PDE1A: variants seen among roughly 807,000 people sequenced by gnomAD.
The protein encoded by PDE1A is phosphodiesterase 1A.
A neutral mutation model predicts 61.7 loss-of-function variants in PDE1A; 35 were observed. The observed-to-expected ratio is 0.57, with a 90% CI of 0.43 to 0.75. The LOEUF is 0.75. PDE1A is among the 30% of genes least tolerant of loss of function. The pLI, the probability that PDE1A is intolerant of heterozygous loss-of-function variation, is 0.00. For synonymous variants in PDE1A, 232 were observed against 213.2 expected (o/e 1.09, Z -0.77); for missense variants, 597 against 630.6 (o/e 0.95, Z 0.57).
At chr2:182,704,226 C>CA in the PDE1A span, among the ~76,000 whole-genome samples, 1,248 of 95,710 alleles carry the variant, frequency 0.013, 6 homozygotes, top group African/African-American at 0.021. Flanking sequence ...AAAAAAAAAA[C>CA]AAAAAAAAAA....
chr2:182,169,953 CTTTCTCTT>C (rs1430254190), intron 13 of PDE1A, among the ~76,000 whole-genome samples: 97 of 75,626 alleles, frequency 1.3e-3, no homozygotes, highest in Admixed American at 3.9e-3. Flanking sequence ...CCCTCTCTCT[CTTTCTCTT>C]TCATACACAC....
chr2:182,454,957 G>C (rs982956430), intron 2 of PDE1A, among the ~76,000 whole-genome samples: 16 of 151,192 alleles, frequency 1.1e-4, no homozygotes, highest in Non-Finnish European at 1.9e-4. Flanking sequence ...ACTACCATCA[G>C]AGTAAACAGG....
At chr2:182,361,552 A>T (rs182724180) in intron 1 of PDE1A, among the ~76,000 whole-genome samples, 29 of 152,176 alleles carry the variant, frequency 1.9e-4, no homozygotes, top group African/African-American at 5.3e-4. Context: ...ATGAATGGCC[A>T]GGTTTCCTTT....
At chr2:182,368,334 GC>G (rs142359845) in intron 1 of PDE1A, among the ~76,000 whole-genome samples, 57 of 77,078 alleles carry the variant, frequency 7.4e-4, no homozygotes, top group African/African-American at 2.5e-3. Flanking sequence ...GAACACCCCA[GC>G]CCCCCCCACC....
chr2:182,304,822 A>G (rs1695473664), intron 1 of PDE1A, among the ~76,000 whole-genome samples: 1 of 152,182 alleles, frequency 6.6e-6, no homozygotes, highest in South Asian at 2.1e-4. Context: ...TGATCACCAT[A>G]ACACACATGA....
intron 1 of PDE1A, among the ~76,000 whole-genome samples, chr2:182,277,113 A>G (rs1330847086): frequency 6.6e-6 from 1 of 152,014 alleles, no homozygotes; most frequent in Non-Finnish European, 1.5e-5. Context: ...CTGTTTCCTC[A>G]GAAGCATGTG....
At chr2:182,187,832 C>A (rs1559156284) in intron 11 of PDE1A, among the ~76,000 whole-genome samples, 1 of 148,168 alleles carries the variant, frequency 6.7e-6, no homozygotes, top group Non-Finnish European at 1.5e-5. Context: ...GCAACCTCTG[C>A]CTCCTGGGTT....
the PDE1A span, among the ~76,000 whole-genome samples, chr2:182,617,890 C>T: frequency 6.6e-6 from 1 of 152,276 alleles, no homozygotes; most frequent in South Asian, 2.1e-4. Context: ...CTCTTAAGAC[C>T]TTACACCCAT....
At chr2:182,589,018 G>T in the PDE1A span, among the ~76,000 whole-genome samples, 16 of 149,216 alleles carry the variant, frequency 1.1e-4, no homozygotes, top group Non-Finnish European at 1.9e-4. Flanking sequence ...ACTCCAGCCT[G>T]GGCGACAGAG....
intron 2 of PDE1A, among the ~76,000 whole-genome samples, chr2:182,501,526 T>C (rs1465775048): frequency 6.6e-6 from 1 of 152,208 alleles, no homozygotes; most frequent in Non-Finnish European, 1.5e-5. Flanking sequence ...CCTAATGAAA[T>C]GTAAAGGTGC....
chr2:182,690,896 G>C, the PDE1A span, among the ~76,000 whole-genome samples: 4 of 152,084 alleles, frequency 2.6e-5, no homozygotes, highest in African/African-American at 9.7e-5. Flanking sequence ...CAGACAAACA[G>C]AGAGCCAAAT....
At chr2:182,662,725 G>T in the PDE1A span, among the ~76,000 whole-genome samples, 1 of 151,742 alleles carries the variant, frequency 6.6e-6, no homozygotes, top group Non-Finnish European at 1.5e-5. Context: ...AACTCTAAAA[G>T]CCCTGGAAGA....
intron 1 of PDE1A, among the ~76,000 whole-genome samples, chr2:182,327,292 G>A (rs909355945): frequency 6.6e-6 from 1 of 152,116 alleles, no homozygotes; most frequent in Non-Finnish European, 1.5e-5. Context: ...AAGTGATCAT[G>A]TGATACTGGA....
At chr2:182,462,567 C>T (rs1205690274) in intron 2 of PDE1A, among the ~76,000 whole-genome samples, 4 of 151,886 alleles carry the variant, frequency 2.6e-5, no homozygotes, top group Non-Finnish European at 5.9e-5. Context: ...GAGCATGGGC[C>T]CTGCCTTTTA....
At chr2:182,440,191 C>T (rs1018993210) in intron 2 of PDE1A, among the ~76,000 whole-genome samples, 4 of 152,068 alleles carry the variant, frequency 2.6e-5, no homozygotes, top group African/African-American at 9.7e-5. Context: ...AAATCTCAAA[C>T]TGAAGCAATC....
At chr2:182,562,852 T>C in the PDE1A span, among the ~76,000 whole-genome samples, 1 of 152,216 alleles carries the variant, frequency 6.6e-6, no homozygotes, top group Non-Finnish European at 1.5e-5. Context: ...TAGAGGTGTT[T>C]GTAGTATTCT....
the PDE1A span, among the ~76,000 whole-genome samples, chr2:182,687,113 C>A: frequency 6.6e-6 from 1 of 152,248 alleles, no homozygotes; most frequent in Non-Finnish European, 1.5e-5. Context: ...GAGGGCAGGG[C>A]ATAGCTGAAC....
chr2:182,685,875 C>G, the PDE1A span, among the ~76,000 whole-genome samples: 3 of 152,184 alleles, frequency 2.0e-5, no homozygotes, highest in Non-Finnish European at 4.4e-5. Flanking sequence ...GCAAGTGAAG[C>G]TGAATATATT....
At chr2:182,629,590 G>T in the PDE1A span, among the ~76,000 whole-genome samples, 1 of 152,056 alleles carries the variant, frequency 6.6e-6, no homozygotes. Flanking sequence ...ATCCCTCCAG[G>T]TTTCCTACTA....
Sources: allele counts gnomAD v4.1 joint callset (sites outside exome capture counted in the v4.1 genomes callset), GRCh38; gene constraint gnomAD v4.1.1; transcripts MANE v1.5; gene names NCBI Gene and HGNC (gene_info 2026-07-23, HGNC 2026-07-21).